Variants in ABTB3 observed in about 807,000 individuals in gnomAD.
ABTB3 encodes ankyrin repeat and BTB domain containing 3, also known as ankyrin repeat- and BTB/POZ domain-containing protein 3.
the ABTB3 span, among the ~76,000 whole-genome samples, chr12:107,654,163 T>A: frequency 6.6e-6 from 1 of 152,176 alleles, no homozygotes; most frequent in African/African-American, 2.4e-5. Flanking sequence ...GTACATGCCA[T>A]ATTTTGTTTA....
At chr12:107,423,154 G>A in the ABTB3 span, among the ~76,000 whole-genome samples, 2 of 152,276 alleles carry the variant, frequency 1.3e-5, no homozygotes, top group Non-Finnish European at 2.9e-5. Flanking sequence ...TACTAGGAGG[G>A]AGAAAAACGA....
the ABTB3 span, among the ~76,000 whole-genome samples, chr12:107,379,341 G>A: frequency 6.6e-6 from 1 of 152,116 alleles, no homozygotes; most frequent in Non-Finnish European, 1.5e-5. Flanking sequence ...TCATGGGAGG[G>A]ACCTGGTGGG....
the ABTB3 span, among the ~76,000 whole-genome samples, chr12:107,559,598 ACAGCTGCCAGCACG>A: frequency 2.0e-5 from 3 of 152,196 alleles, no homozygotes; most frequent in African/African-American, 7.2e-5. Flanking sequence ...AGTGATATTG[ACAGCTGCCAGCACG>A]CAGCTGGTTT....
the ABTB3 span, among the ~76,000 whole-genome samples, chr12:107,549,186 T>C: frequency 8.7e-3 from 1,327 of 152,278 alleles, 25 homozygotes; most frequent in African/African-American, 0.029. Context: ...AAACTAATAA[T>C]GTGAAACAAA....
chr12:107,373,440 G>A, the ABTB3 span, among the ~76,000 whole-genome samples: 1 of 152,166 alleles, frequency 6.6e-6, no homozygotes, highest in African/African-American at 2.4e-5. Flanking sequence ...ACTCCCCTGG[G>A]GTTCGCTGCA....
At chr12:107,502,637 G>A in the ABTB3 span, among the ~76,000 whole-genome samples, 1 of 152,120 alleles carries the variant, frequency 6.6e-6, no homozygotes, top group Non-Finnish European at 1.5e-5. Context: ...GGCCTGTTAG[G>A]AACTGAGCCA....
chr12:107,507,216 A>G, the ABTB3 span, among the ~76,000 whole-genome samples: 1 of 152,086 alleles, frequency 6.6e-6, no homozygotes, highest in South Asian at 2.1e-4. Context: ...AGCCACCCCT[A>G]AGGGGCTGGT....
the ABTB3 span, among the ~76,000 whole-genome samples, chr12:107,425,470 T>C: frequency 6.6e-6 from 1 of 152,204 alleles, no homozygotes; most frequent in African/African-American, 2.4e-5. Context: ...AACTAGACTG[T>C]TCACCTTAAA....
chr12:107,462,246 T>C, the ABTB3 span, among the ~76,000 whole-genome samples: 1 of 152,258 alleles, frequency 6.6e-6, no homozygotes, highest in Non-Finnish European at 1.5e-5. Flanking sequence ...TAATATTCAA[T>C]GAATGAAACT....
At chr12:107,345,812 T>C in the ABTB3 span, among the ~76,000 whole-genome samples, 2 of 152,132 alleles carry the variant, frequency 1.3e-5, no homozygotes, top group Admixed American at 6.6e-5. Context: ...CCTGGGATCT[T>C]AAGAGGAAAC....
chr12:107,466,779 T>G, the ABTB3 span, among the ~76,000 whole-genome samples: 1 of 152,100 alleles, frequency 6.6e-6, no homozygotes, highest in Non-Finnish European at 1.5e-5. Context: ...TGTGCTGCTT[T>G]GAGCAGGGCC....
At chr12:107,395,742 A>G in the ABTB3 span, among the ~76,000 whole-genome samples, 4 of 152,052 alleles carry the variant, frequency 2.6e-5, no homozygotes, top group African/African-American at 9.7e-5. Context: ...ACTTATCTCC[A>G]TCTAGTCTTG....
chr12:107,527,586 T>G, the ABTB3 span, among the ~76,000 whole-genome samples: 2 of 152,032 alleles, frequency 1.3e-5, no homozygotes, highest in African/African-American at 4.8e-5. Context: ...GTTTTTGTTT[T>G]TTTTTTTTAA....
the ABTB3 span, among the ~76,000 whole-genome samples, chr12:107,404,324 A>C: frequency 1.3e-5 from 2 of 152,208 alleles, no homozygotes; most frequent in Non-Finnish European, 2.9e-5. Context: ...CATCTGCTGG[A>C]AAGAACTTGC....
At chr12:107,334,368 T>C in the ABTB3 span, among the ~76,000 whole-genome samples, 4 of 152,158 alleles carry the variant, frequency 2.6e-5, no homozygotes, top group East Asian at 7.8e-4. Flanking sequence ...AAAGGTGGAT[T>C]CACCAAGCTC....
At chr12:107,359,947 T>C in the ABTB3 span, among the ~76,000 whole-genome samples, 3 of 152,230 alleles carry the variant, frequency 2.0e-5, no homozygotes, top group East Asian at 3.9e-4. Flanking sequence ...ACTTTCCTAT[T>C]TTCCCTCCCT....
the ABTB3 span, among the ~76,000 whole-genome samples, chr12:107,585,355 A>G: frequency 2.0e-5 from 3 of 152,172 alleles, no homozygotes; most frequent in Non-Finnish European, 2.9e-5. Context: ...GGTAAGCTGC[A>G]AAGAGTAATA....
the ABTB3 span, among the ~76,000 whole-genome samples, chr12:107,462,522 G>C: frequency 1.3e-5 from 2 of 152,292 alleles, no homozygotes; most frequent in South Asian, 4.1e-4. Flanking sequence ...TGATGATGGT[G>C]GTGATAGCAA....
chr12:107,537,849 C>A, the ABTB3 span, among the ~76,000 whole-genome samples: 5 of 152,188 alleles, frequency 3.3e-5, no homozygotes, highest in Non-Finnish European at 7.4e-5. Flanking sequence ...CAGGTGGCAT[C>A]TGATGTGTAG....
Sources: gnomAD v4.1 joint callset for allele counts (sites outside exome capture counted in the v4.1 genomes callset) on GRCh38, gnomAD v4.1.1 for gene constraint, MANE v1.5 for transcripts, NCBI Gene and HGNC (gene_info 2026-07-23, HGNC 2026-07-21) for gene names.